RBMXL1: variants seen among roughly 807,000 people sequenced by gnomAD.
RBMXL1 encodes the protein RBMX like 1, also known as RNA binding motif protein, X-linked-like-1.
Under a neutral mutation model 29.0 loss-of-function variants are expected in RBMXL1, and 18 were observed. That is an observed-to-expected ratio of 0.62 (90% CI 0.43 to 0.92). RBMXL1 has a LOEUF of 0.92. Among genes scored for constraint, RBMXL1 ranks in the 40% least tolerant of loss-of-function variants. RBMXL1 has a pLI of 0.00. For synonymous variants in RBMXL1, 141 were observed against 170.4 expected (o/e 0.83, Z 1.34); for missense variants, 403 against 495.8 (o/e 0.81, Z 1.78).
At chr1:88,984,984 A>T (rs1303365522) in intron 2 of RBMXL1, among the ~76,000 whole-genome samples, 1 of 152,236 alleles carries the variant, frequency 6.6e-6, no homozygotes, top group Non-Finnish European at 1.5e-5. Context: ...TCTTTAGCAC[A>T]TGTTCATTTT....
At chr1:88,990,784 A>C (rs1022342238) in intron 1 of RBMXL1, among the ~76,000 whole-genome samples, 1 of 152,220 alleles carries the variant, frequency 6.6e-6, no homozygotes, top group Non-Finnish European at 1.5e-5. Context: ...GAACCTTTGA[A>C]TCAAGCTAGT....
At chr1:88,992,188 C>T (rs546487686) in intron 1 of RBMXL1, among the ~76,000 whole-genome samples, 54 of 152,218 alleles carry the variant, frequency 3.5e-4, no homozygotes, top group African/African-American at 1.3e-3. Context: ...CCGTGTTAGC[C>T]AGGATGGTCT....
Position 88,981,657 on chromosome 1 carries a change from TCAA to T in RBMXL1, c.*994_*996del, listed in dbSNP as rs758203528. On this transcript the variant is annotated 3_prime_UTR_variant, in exon 3 of 3. Coordinates refer to ENST00000652648, the MANE Select transcript of RBMXL1 (RefSeq NM_001162536.3). ...TACCAACAATCAGCCGCCTTCTGCTTCAACAACTCTTAGCATTTGATTTCTCTT... is the reference window on the plus strand; with the variant it reads ...TACCAACAATCAGCCGCCTTCTGCTTCAACTCTTAGCATTTGATTTCTCTT... The T allele has an allele frequency of 2.9e-5, 5 of 172,638 alleles. No individual in the cohort carries two copies. The Middle Eastern group carries it at 2.0e-3, about 70-fold the overall frequency. The allele number at this position is 172,638 out of a possible 1,614,324, so 10.7% of individuals were successfully genotyped here. A position where few individuals can be genotyped will look rare whatever the true frequency, so the allele number is the denominator to read the frequency against.
At chr1:88,984,203 G>GTTTT (rs1557707537) in intron 2 of RBMXL1, 137 bp from the exon 3 acceptor site, 31 of 98,322 alleles carry the variant, frequency 3.2e-4, no homozygotes, top group Non-Finnish European at 5.5e-4. Context: ...TTTTTTTGTT[G>GTTTT]CTTTTTTTTT....
chr1:88,991,527 AAC>A (rs1178393894), intron 1 of RBMXL1, among the ~76,000 whole-genome samples: 1 of 152,238 alleles, frequency 6.6e-6, no homozygotes, highest in Non-Finnish European at 1.5e-5. Flanking sequence ...TCACCGATAC[AAC>A]AGAGGGTATC....
At chr1:88,986,608 C>T (rs1360611130) in intron 2 of RBMXL1, among the ~76,000 whole-genome samples, 1 of 152,012 alleles carries the variant, frequency 6.6e-6, no homozygotes, top group African/African-American at 2.4e-5. Flanking sequence ...TTTCCTTTAG[C>T]ATTCAAAACA....
At chr1:88,986,006 C>T (rs927057061) in intron 2 of RBMXL1, among the ~76,000 whole-genome samples, 2 of 151,870 alleles carry the variant, frequency 1.3e-5, no homozygotes, top group African/African-American at 4.8e-5. Flanking sequence ...CATGGCAAAA[C>T]CCCGTCTCTA....
rs1677034308 is a variant in RBMXL1 at position 88,980,587 on chromosome 1, A to G, written c.*2067T>C. 6.6e-6 allele frequency: 1 copy of G among 152,634 alleles called. No individual in the cohort carries two copies. Among genetic ancestry groups the G allele is most frequent in the Admixed American group, 6.5e-5 (1 of 15,278 alleles). 9.5% of individuals were successfully genotyped at this position (152,634 alleles called of 1,614,324 possible). On this transcript the variant is annotated 3_prime_UTR_variant, in exon 3 of 3. Coordinates refer to ENST00000652648, the MANE Select transcript of RBMXL1 (RefSeq NM_001162536.3). Reference sequence around the variant, plus strand: ...TGTTTTACAACCAGTATAAACCCAGAAGAATCAAGATCTGATTCTTTTTCC... The same window carrying G: ...TGTTTTACAACCAGTATAAACCCAGGAGAATCAAGATCTGATTCTTTTTCC...
In RBMXL1 at chr1:88,985,264, A is replaced by G. The variant is rs145683957; in HGVS notation, c.-240-1198T>C. 6.1e-3 allele frequency among the ~76,000 whole-genome samples: 932 copies of G among 152,330 alleles called. 8 individuals are homozygous for G. Among genetic ancestry groups the G allele is most frequent in the Non-Finnish European group, 8.7e-3 (593 of 68,034 alleles). On this transcript the variant is annotated intron_variant, in intron 2 of 2. Coordinates refer to ENST00000652648, the MANE Select transcript of RBMXL1 (RefSeq NM_001162536.3). ...GTGAGTATTGTCCTCACCCATATCA[A>G]TAGGCCTGGGGCCCTTCTGCCTGCC...
rs1375307426 is a variant in RBMXL1, at chr1:88,983,726, A to G, written c.101T>C (p.Ile34Thr). The change falls in exon 3 of 3, where the codon ATA becomes ACA. Residue 34 changes from isoleucine to threonine, a missense_variant. Transcript: ENST00000652648. ...GTCTTTTATCAAGAGTACTTCCACT[A>G]TTCGTCCATATTTGCCAAATACTGT... ...LETVFGKYGR[I>T]VEVLLIKDRE... The G allele has an allele frequency of 1.9e-6, 3 of 1,613,970 alleles. No homozygotes were observed. Among genetic ancestry groups the G allele is most frequent in the Non-Finnish European group, 2.5e-6 (3 of 1,179,916 alleles).
intron 1 of RBMXL1, among the ~76,000 whole-genome samples, chr1:88,990,515 AC>A (rs1489246579): frequency 1.3e-5 from 2 of 152,186 alleles, no homozygotes; most frequent in Non-Finnish European, 2.9e-5. Context: ...AGCTTTAGAT[AC>A]TGGCAGGCAA....
At chr1:88,986,540 C>T (rs1677468720) in intron 2 of RBMXL1, among the ~76,000 whole-genome samples, 1 of 151,632 alleles carries the variant, frequency 6.6e-6, no homozygotes. Context: ...GATCCACTGG[C>T]CTCAGCCTCC....
At chr1:88,985,587 A>C (rs1254563056) in intron 2 of RBMXL1, among the ~76,000 whole-genome samples, 1 of 152,236 alleles carries the variant, frequency 6.6e-6, no homozygotes, top group Non-Finnish European at 1.5e-5. Flanking sequence ...TAAACATCAA[A>C]ACTCCTAGTG....
At chr1:88,992,201 A>G in intron 1 of RBMXL1, among the ~76,000 whole-genome samples, 1 of 151,996 alleles carries the variant, frequency 6.6e-6, no homozygotes, top group Non-Finnish European at 1.5e-5. Context: ...GATGGTCTCG[A>G]TCTCCTGACC....
In RBMXL1 at chr1:88,979,704, A is replaced by G. The variant is rs1420544940; in HGVS notation, c.*2950T>C. ...ACTGAGTGTTGGCAGTTGGAACTCTATACAACCCTGGTGGGAATATAAAAG... is the reference window on the plus strand; with the variant it reads ...ACTGAGTGTTGGCAGTTGGAACTCTGTACAACCCTGGTGGGAATATAAAAG... On this transcript the variant is annotated 3_prime_UTR_variant, in exon 3 of 3. Transcript: ENST00000652648. The G allele has an allele frequency of 1.3e-5, 2 of 152,218 alleles. No homozygotes were observed. Among genetic ancestry groups the G allele is most frequent in the Non-Finnish European group, 2.9e-5 (2 of 68,036 alleles). 9.4% of individuals were successfully genotyped at this position (152,218 alleles called of 1,614,324 possible).
chr1:88,983,353 C>T lies in RBMXL1; in HGVS notation c.474G>A (p.Gly158=). ...GTGCAGATCTCTTAGGAGAAGGACC[C>T]CCACTTCTTGGTGGTGGTCCTCTTT... ...PVKRGPPPRS[G]GPSPKRSAPS... is the part of the protein sequence containing the mutation. Residue 158 remains glycine, a synonymous_variant, in exon 3 of 3, where the codon GGG becomes GGA. Coordinates refer to ENST00000652648, the MANE Select transcript of RBMXL1 (RefSeq NM_001162536.3). The T allele has an allele frequency of 6.2e-7, 1 of 1,614,176 alleles. No individual in the cohort carries two copies. The highest frequency in any genetic ancestry group is 8.5e-7 in the Non-Finnish European group (1 of 1,180,016).
chr1:88,992,458 C>T (rs905397100), intron 1 of RBMXL1, 127 bp downstream of exon 1: 1 of 152,824 alleles, frequency 6.5e-6, no homozygotes, highest in Admixed American at 6.5e-5. Context: ...CAGCCACCCC[C>T]GCAGGCGGCC....
chr1:88,979,618 C>T lies in RBMXL1; in HGVS notation c.*3036G>A, dbSNP rs879064086. The T allele has an allele frequency of 2.0e-5, 3 of 152,044 alleles. No homozygotes were observed. Among genetic ancestry groups the T allele is most frequent in the Admixed American group, 6.6e-5 (1 of 15,250 alleles). The allele number at this position is 152,044 out of a possible 1,614,324, so 9.4% of individuals were successfully genotyped here. A position where few individuals can be genotyped will look rare whatever the true frequency, so the allele number is the denominator to read the frequency against. On this transcript the variant is annotated 3_prime_UTR_variant, in exon 3 of 3. Transcript: ENST00000652648. ...AAGATGCTTACCAGCATTAGTCACC[C>T]GGGGAAATGAAAATAAAACCACAAT...
chr1:88,987,825 T>C (rs1677553746), intron 2 of RBMXL1, among the ~76,000 whole-genome samples: 1 of 152,240 alleles, frequency 6.6e-6, no homozygotes, highest in African/African-American at 2.4e-5. Context: ...TTCGTATCTC[T>C]CTGATTGTCT....
Sources: gnomAD v4.1 joint callset for allele counts (sites outside exome capture counted in the v4.1 genomes callset) on GRCh38, gnomAD v4.1.1 for gene constraint, MANE v1.5 for transcripts, NCBI Gene and HGNC (gene_info 2026-07-23, HGNC 2026-07-21) for gene names.